ASH1L: variants seen among roughly 807,000 people sequenced by gnomAD.
ASH1L encodes ASH1 like histone lysine methyltransferase.
In ASH1L, 23 loss-of-function variants were observed where a neutral mutation model predicts 269.0. That is an observed-to-expected ratio of 0.09 (90% CI 0.06 to 0.12). The LOEUF is 0.12. Ranked by LOEUF, ASH1L falls within the 10% of genes least tolerant of loss-of-function variation. The pLI is 1.00. For synonymous variants in ASH1L, 1,187 were observed against 1,253.5 expected (o/e 0.95, Z 1.12); for missense variants, 2,912 against 3,567.8 (o/e 0.82, Z 4.68).
At chr1:155,484,516 T>C (rs550248558) in intron 2 of ASH1L, among the ~76,000 whole-genome samples, 135 of 152,074 alleles carry the variant, frequency 8.9e-4, no homozygotes, top group African/African-American at 3.0e-3. Context: ...AATTCATCTA[T>C]TCAATATATA....
chr1:155,424,420 T>G (rs886492425), intron 5 of ASH1L, among the ~76,000 whole-genome samples: 1 of 152,138 alleles, frequency 6.6e-6, no homozygotes, highest in African/African-American at 2.4e-5. Flanking sequence ...AGTTTTTTTT[T>G]TTTTGAGACA....
chr1:155,502,362 G>A (rs1402340221), intron 2 of ASH1L, among the ~76,000 whole-genome samples: 3 of 152,032 alleles, frequency 2.0e-5, no homozygotes, highest in East Asian at 1.9e-4. Flanking sequence ...GAGCCACCGC[G>A]CCCGGCAGAT....
chr1:155,421,778 A>G (rs551115855), intron 5 of ASH1L, among the ~76,000 whole-genome samples: 32 of 152,324 alleles, frequency 2.1e-4, no homozygotes, highest in Non-Finnish European at 4.6e-4. Flanking sequence ...ATAAATGTAG[A>G]ACAACGTAAT....
rs563195970 is a variant in ASH1L, at chr1:155,538,367, T to C, written c.-99-16749A>G. 6.4e-4 allele frequency among the ~76,000 whole-genome samples: 96 copies of C among 149,772 alleles called. 1 individual carries two copies. Among genetic ancestry groups the C allele is most frequent in the Admixed American group, 3.3e-3 (50 of 14,942 alleles). ...GTTTTTTTGTTTGTTTGTTTGTTTG[T>C]TTGTTTTTGAGATGGAGTCTCACTC... On this transcript the variant is annotated intron_variant, in intron 1 of 27. Coordinates refer to ENST00000392403, the MANE Select transcript of ASH1L (RefSeq NM_018489.3).
At chr1:155,514,299 G>A (rs1489518999) in intron 2 of ASH1L, among the ~76,000 whole-genome samples, 1 of 152,148 alleles carries the variant, frequency 6.6e-6, no homozygotes, top group African/African-American at 2.4e-5. Flanking sequence ...CAGGTTATAT[G>A]CAGCCTACCA....
chr1:155,401,472 C>T (rs1247773390), intron 6 of ASH1L, among the ~76,000 whole-genome samples: 2 of 126,832 alleles, frequency 1.6e-5, no homozygotes, highest in Non-Finnish European at 3.3e-5. Flanking sequence ...AGCAAGACTC[C>T]ATCTCAAAAA....
At chr1:155,474,934 T>C (rs1468615982) in intron 3 of ASH1L, among the ~76,000 whole-genome samples, 1 of 152,200 alleles carries the variant, frequency 6.6e-6, no homozygotes, top group Non-Finnish European at 1.5e-5. Flanking sequence ...AAATCATCAT[T>C]TAAAAATGCA....
In ASH1L at chr1:155,434,229, C is replaced by T; in HGVS notation, c.5828+4098G>A. 3 of 1,601,280 alleles carry T rather than the reference C, an allele frequency of 1.9e-6. No individual in the cohort carries two copies. In the South Asian group the frequency reaches 3.4e-5, roughly 18 times the overall value. ...GGGGAAGCCTTTCCCCCGTCTCCGT[C>T]ACCACCCTGGGCTCTCCCATGCATT... On this transcript the variant is annotated intron_variant, in intron 5 of 27. Coordinates refer to ENST00000392403, the MANE Select transcript of ASH1L (RefSeq NM_018489.3).
In ASH1L at chr1:155,380,032, G is replaced by A; in HGVS notation, c.6177+11C>T. ...TTAAGAATGAAACCTGGTAAAACAG[G>A]CTCTCTGTACCTGATTGTGTTTCCA... is the stretch of plus-strand genomic sequence containing the variant. On this transcript the variant is annotated intron_variant, in intron 8 of 27. Transcript: ENST00000392403. The A allele has an allele frequency of 6.3e-7, 1 of 1,592,528 alleles. No individual in the cohort carries two copies. Among genetic ancestry groups the A allele is most frequent in the Non-Finnish European group, 8.6e-7 (1 of 1,163,870 alleles).
chr1:155,383,962 T>C (rs981466948), intron 7 of ASH1L, among the ~76,000 whole-genome samples: 1 of 152,196 alleles, frequency 6.6e-6, no homozygotes, highest in Admixed American at 6.6e-5. Context: ...AAAAAAAATG[T>C]AATATATCAA....
chr1:155,445,872 GTGTT>G (rs964760950), intron 4 of ASH1L, among the ~76,000 whole-genome samples: 3 of 151,908 alleles, frequency 2.0e-5, no homozygotes, highest in African/African-American at 4.8e-5. Context: ...GTGTGTGTGT[GTGTT>G]TGTGTGTGTG....
At chr1:155,451,497 C>T (rs1298137380) in intron 4 of ASH1L, among the ~76,000 whole-genome samples, 10 of 151,874 alleles carry the variant, frequency 6.6e-5, no homozygotes, top group Non-Finnish European at 1.5e-4. Context: ...CGGTGGCTCA[C>T]GCCCGTAATC....
intron 7 of ASH1L, among the ~76,000 whole-genome samples, chr1:155,392,772 T>TA (rs1056203293): frequency 1.6e-4 from 24 of 151,950 alleles, no homozygotes; most frequent in African/African-American, 5.8e-4. Flanking sequence ...TACAGGTGGA[T>TA]AATTGTTATT....
intron 21 of ASH1L, chr1:155,344,481 T>A: frequency 2.1e-6 from 1 of 472,222 alleles, no homozygotes; most frequent in East Asian, 3.5e-5. Flanking sequence ...TCTCAATCTA[T>A]GTTTTATGAA....
At chr1:155,441,285 C>A (rs1023281283) in intron 4 of ASH1L, among the ~76,000 whole-genome samples, 24 of 151,716 alleles carry the variant, frequency 1.6e-4, no homozygotes, top group Admixed American at 1.1e-3. Flanking sequence ...GTCTGTCTCT[C>A]TCTCTATCTC....
intron 3 of ASH1L, among the ~76,000 whole-genome samples, chr1:155,460,704 A>G (rs1325947447): frequency 6.6e-6 from 1 of 152,188 alleles, no homozygotes; most frequent in Non-Finnish European, 1.5e-5. Context: ...CCTTTTGCAA[A>G]TTCTAGAAAA....
chr1:155,418,135 C>T (rs1660369566), intron 5 of ASH1L, among the ~76,000 whole-genome samples: 1 of 152,082 alleles, frequency 6.6e-6, no homozygotes, highest in African/African-American at 2.4e-5. Flanking sequence ...TAATAAATTC[C>T]TACATATGCC....
At chr1:155,504,454 C>T (rs537398444) in intron 2 of ASH1L, among the ~76,000 whole-genome samples, 1 of 152,026 alleles carries the variant, frequency 6.6e-6, no homozygotes, top group Non-Finnish European at 1.5e-5. Flanking sequence ...CGAATCTGCC[C>T]CAATATTATA....
At chr1:155,358,731 G>A (rs1654661798) in intron 13 of ASH1L, 1 of 151,474 alleles carries the variant, frequency 6.6e-6, no homozygotes. Context: ...AAATGCTTCA[G>A]TAATCTGTTT....
Sources: gnomAD v4.1 joint callset for allele counts (sites outside exome capture counted in the v4.1 genomes callset) on GRCh38, gnomAD v4.1.1 for gene constraint, MANE v1.5 for transcripts, NCBI Gene and HGNC (gene_info 2026-07-23, HGNC 2026-07-21) for gene names.